Variants in KHDRBS2 observed in about 807,000 individuals in gnomAD.
KHDRBS2 encodes the protein KH RNA binding domain containing, signal transduction associated 2.
KHDRBS2 carries 26 observed loss-of-function variants against 44.3 expected under a neutral mutation model. That is an observed-to-expected ratio of 0.59 (90% CI 0.43 to 0.81). KHDRBS2 has a LOEUF of 0.81. Among genes scored for constraint, KHDRBS2 ranks in the 40% least tolerant of loss-of-function variants. KHDRBS2 has a pLI of 0.00. For synonymous variants in KHDRBS2, 194 were observed against 151.1 expected (o/e 1.28, Z -2.08); for missense variants, 476 against 433.1 (o/e 1.10, Z -0.88).
intron 6 of KHDRBS2, among the ~76,000 whole-genome samples, chr6:61,768,667 T>C (rs573590581): frequency 8.5e-4 from 129 of 152,170 alleles, no homozygotes; most frequent in African/African-American, 2.9e-3. Flanking sequence ...TTTTTCAGTG[T>C]GTCAATTGCA....
chr6:61,779,196 T>C (rs145934113), intron 6 of KHDRBS2, among the ~76,000 whole-genome samples: 106 of 152,222 alleles, frequency 7.0e-4, no homozygotes, highest in African/African-American at 2.4e-3. Context: ...ATACCAATTT[T>C]TTTTTATTTT....
At chr6:61,618,765 C>T in the KHDRBS2 span, among the ~76,000 whole-genome samples, 2 of 152,156 alleles carry the variant, frequency 1.3e-5, no homozygotes, top group Non-Finnish European at 2.9e-5. Flanking sequence ...AGAATAATGG[C>T]CTCCAGCTCC....
intron 2 of KHDRBS2, among the ~76,000 whole-genome samples, chr6:62,109,171 T>G (rs1293791764): frequency 6.6e-6 from 1 of 151,168 alleles, no homozygotes; most frequent in Admixed American, 6.6e-5. Flanking sequence ...AAATGCAAAG[T>G]TGTTTACAAT....
At chr6:62,023,070 AG>A (rs1782632792) in intron 3 of KHDRBS2, among the ~76,000 whole-genome samples, 1 of 151,754 alleles carries the variant, frequency 6.6e-6, no homozygotes, top group South Asian at 2.1e-4. Context: ...AACGTGAAAA[AG>A]AAAAAACGCA....
At chr6:61,791,170 T>G (rs1784585666) in intron 6 of KHDRBS2, among the ~76,000 whole-genome samples, 1 of 151,346 alleles carries the variant, frequency 6.6e-6, no homozygotes. Flanking sequence ...GCGAAATTTA[T>G]TGCCATTATT....
At chr6:61,695,640 T>C (rs1235236880) in intron 8 of KHDRBS2, among the ~76,000 whole-genome samples, 2 of 152,174 alleles carry the variant, frequency 1.3e-5, no homozygotes, top group African/African-American at 4.8e-5. Context: ...CCTTTGTTGT[T>C]CAGTTTCCTC....
At chr6:62,011,466 C>T (rs1308900258) in intron 3 of KHDRBS2, among the ~76,000 whole-genome samples, 1 of 152,028 alleles carries the variant, frequency 6.6e-6, no homozygotes, top group Non-Finnish European at 1.5e-5. Flanking sequence ...CTCAATACTG[C>T]CTAAATAACA....
Position 61,806,865 on chromosome 6 carries a change from T to C in KHDRBS2, c.811-74101A>G, listed in dbSNP as rs769839123. On this transcript the variant is annotated intron_variant, in intron 6 of 8. Transcript: ENST00000281156. ...TTGTATATATTAATGATGTACAACATAAAGTTTTGATACATGTATATATAC... is the reference window on the plus strand; with the variant it reads ...TTGTATATATTAATGATGTACAACACAAAGTTTTGATACATGTATATATAC... Among the ~76,000 whole-genome samples, 5 of 152,274 alleles carry C rather than the reference T, an allele frequency of 3.3e-5. No homozygotes were observed. In the East Asian group the frequency reaches 9.6e-4, roughly 29 times the overall value.
At chr6:62,097,159 C>A (rs1488987376) in intron 2 of KHDRBS2, among the ~76,000 whole-genome samples, 1 of 151,410 alleles carries the variant, frequency 6.6e-6, no homozygotes, top group Non-Finnish European at 1.5e-5. Flanking sequence ...TATGACCTAA[C>A]CCGGAGACTA....
chr6:61,622,330 G>A, the KHDRBS2 span, among the ~76,000 whole-genome samples: 3 of 152,004 alleles, frequency 2.0e-5, no homozygotes, highest in Non-Finnish European at 4.4e-5. Flanking sequence ...CCCCTTTTTG[G>A]CTATTGGGTC....
intron 6 of KHDRBS2, among the ~76,000 whole-genome samples, chr6:61,751,913 A>G (rs1777755348): frequency 6.6e-6 from 1 of 150,958 alleles, no homozygotes; most frequent in South Asian, 2.1e-4. Context: ...TTGTGTCATC[A>G]CTTGCTCTTT....
intron 4 of KHDRBS2, among the ~76,000 whole-genome samples, chr6:61,956,392 CA>C (rs2127390219): frequency 1.3e-5 from 2 of 152,248 alleles, no homozygotes; most frequent in Admixed American, 1.3e-4. Context: ...GATTCACTGA[CA>C]AAATTGAAGA....
chr6:62,031,609 A>G (rs1432895288), intron 3 of KHDRBS2, among the ~76,000 whole-genome samples: 1 of 152,122 alleles, frequency 6.6e-6, no homozygotes, highest in African/African-American at 2.4e-5. Flanking sequence ...CTGACAGTAC[A>G]CACCATGAGC....
At chr6:61,769,079 G>T (rs1029870305) in intron 6 of KHDRBS2, among the ~76,000 whole-genome samples, 3 of 152,054 alleles carry the variant, frequency 2.0e-5, no homozygotes, top group African/African-American at 7.2e-5. Flanking sequence ...TAAAGAGAAT[G>T]GTCTTTTAAA....
intron 2 of KHDRBS2, among the ~76,000 whole-genome samples, chr6:62,121,185 C>T (rs1407517207): frequency 2.0e-5 from 3 of 152,174 alleles, no homozygotes; most frequent in African/African-American, 4.8e-5. Context: ...AGAATCCCCA[C>T]ATTGGCTCCC....
chr6:61,925,541 C>A (rs1245173195), intron 4 of KHDRBS2, among the ~76,000 whole-genome samples: 1 of 151,964 alleles, frequency 6.6e-6, no homozygotes, highest in Non-Finnish European at 1.5e-5. Flanking sequence ...CGTAGTGAGA[C>A]CTTGTCTCTA....
intron 7 of KHDRBS2, among the ~76,000 whole-genome samples, chr6:61,711,962 G>A (rs1157661052): frequency 6.6e-6 from 1 of 151,744 alleles, no homozygotes; most frequent in African/African-American, 2.4e-5. Context: ...CTGGAAGTTG[G>A]CTGATCTAGG....
intron 2 of KHDRBS2, among the ~76,000 whole-genome samples, chr6:62,129,202 T>C (rs1300601730): frequency 6.6e-6 from 1 of 152,116 alleles, no homozygotes; most frequent in Admixed American, 6.5e-5. Context: ...ATTTCCTCTG[T>C]TTACAAGTTT....
intron 6 of KHDRBS2, among the ~76,000 whole-genome samples, chr6:61,749,670 C>T (rs748932867): frequency 6.6e-6 from 1 of 152,230 alleles, no homozygotes; most frequent in South Asian, 2.1e-4. Flanking sequence ...ATATGATTCA[C>T]TTCTTTGGTA....
Sources: allele counts gnomAD v4.1 joint callset (sites outside exome capture counted in the v4.1 genomes callset), GRCh38; gene constraint gnomAD v4.1.1; transcripts MANE v1.5; gene names NCBI Gene and HGNC (gene_info 2026-07-23, HGNC 2026-07-21).